The following NRG3 variants were observed in gnomAD, a reference collection of about 807,000 sequenced individuals.
The protein encoded by NRG3 is pro-neuregulin-3, membrane-bound isoform.
NRG3 carries 31 observed loss-of-function variants against 66.9 expected under a neutral mutation model. The ratio of observed to expected loss-of-function variants is 0.46; its 90% CI spans 0.35 to 0.63. The LOEUF is 0.63. Ranked by LOEUF, NRG3 falls within the 20% of genes least tolerant of loss-of-function variation. NRG3 has a pLI of 0.00. For synonymous variants in NRG3, 393 were observed against 359.4 expected, an observed-to-expected ratio of 1.09 and a Z score of -1.06; for missense variants, 910 against 878.9, an observed-to-expected ratio of 1.04 and a Z score of -0.45.
intron 1 of NRG3, among the ~76,000 whole-genome samples, chr10:82,029,940 A>T (rs1457657834): frequency 2.0e-5 from 3 of 152,150 alleles, no homozygotes; most frequent in Non-Finnish European, 4.4e-5. Context: ...CACCTAAAGT[A>T]TAAGAAAGCC....
chr10:81,918,741 A>G (rs995451178), intron 1 of NRG3, among the ~76,000 whole-genome samples: 1 of 151,486 alleles, frequency 6.6e-6, no homozygotes, highest in Non-Finnish European at 1.5e-5. Flanking sequence ...TACTAATGAA[A>G]TGCTGTTAAT....
chr10:82,160,063 G>A (rs1380012905), intron 1 of NRG3, among the ~76,000 whole-genome samples: 1 of 151,828 alleles, frequency 6.6e-6, no homozygotes, highest in African/African-American at 2.4e-5. Context: ...GATATTTACT[G>A]AGCTCACATA....
intron 2 of NRG3, among the ~76,000 whole-genome samples, chr10:82,427,565 T>C (rs1265115896): frequency 6.6e-6 from 1 of 152,164 alleles, no homozygotes; most frequent in Non-Finnish European, 1.5e-5. Flanking sequence ...CCTAGTTATA[T>C]GTTGCTAGAT....
intron 6 of NRG3, among the ~76,000 whole-genome samples, chr10:82,964,827 G>A (rs1851048599): frequency 6.6e-6 from 1 of 152,148 alleles, no homozygotes; most frequent in African/African-American, 2.4e-5. Context: ...GTCCAAAACT[G>A]ACCCTACTTT....
At chr10:82,414,672 T>A (rs1186660283) in intron 2 of NRG3, among the ~76,000 whole-genome samples, 1 of 152,140 alleles carries the variant, frequency 6.6e-6, no homozygotes, top group African/African-American at 2.4e-5. Context: ...GAGAAAGGAA[T>A]GAATAAATAT....
intron 1 of NRG3, among the ~76,000 whole-genome samples, chr10:82,172,788 G>A (rs190916584): frequency 3.5e-4 from 53 of 152,184 alleles, no homozygotes; most frequent in Admixed American, 2.0e-3. Flanking sequence ...GACCCATAAT[G>A]TAATGTAAAG....
intron 2 of NRG3, among the ~76,000 whole-genome samples, chr10:82,648,275 T>A (rs2051119751): frequency 6.6e-6 from 1 of 152,082 alleles, no homozygotes; most frequent in Non-Finnish European, 1.5e-5. Context: ...GTTTCCCCAT[T>A]GCTTGTTTTT....
chr10:82,267,912 T>G (rs2078388023), intron 1 of NRG3, among the ~76,000 whole-genome samples: 1 of 152,176 alleles, frequency 6.6e-6, no homozygotes, highest in Non-Finnish European at 1.5e-5. Flanking sequence ...CTTTTGAGAA[T>G]TCTTTTAAAA....
chr10:82,226,669 T>G (rs1038517123), intron 1 of NRG3, among the ~76,000 whole-genome samples: 2 of 152,170 alleles, frequency 1.3e-5, no homozygotes, highest in Non-Finnish European at 2.9e-5. Flanking sequence ...TATGTTTGAA[T>G]CCATCTTTGT....
chr10:82,495,727 CT>C (rs1200186147), intron 2 of NRG3, among the ~76,000 whole-genome samples: 2 of 151,884 alleles, frequency 1.3e-5, no homozygotes, highest in African/African-American at 4.8e-5. Flanking sequence ...AAGGGTAAGC[CT>C]CATCAAATTC....
At chr10:82,879,163 C>T (rs951565120) in intron 4 of NRG3, among the ~76,000 whole-genome samples, 2 of 152,180 alleles carry the variant, frequency 1.3e-5, no homozygotes, top group Non-Finnish European at 2.9e-5. Context: ...AGCCTCTTCA[C>T]TAGAAAATAA....
chr10:82,983,982 A>G (rs999279393), intron 8 of NRG3, among the ~76,000 whole-genome samples: 6 of 152,244 alleles, frequency 3.9e-5, no homozygotes, highest in Non-Finnish European at 5.9e-5. Context: ...TTAGTGTGCA[A>G]CACACTGCAT....
chr10:82,074,996 G>A (rs1021770186), intron 1 of NRG3, among the ~76,000 whole-genome samples: 3 of 151,962 alleles, frequency 2.0e-5, no homozygotes, highest in Admixed American at 6.5e-5. Context: ...TTTTGTGCTC[G>A]GCATCATACT....
At chr10:81,994,103 A>T (rs1333564082) in intron 1 of NRG3, among the ~76,000 whole-genome samples, 2 of 152,188 alleles carry the variant, frequency 1.3e-5, no homozygotes, top group Admixed American at 1.3e-4. Flanking sequence ...GTAATGACAA[A>T]TTACACTCTA....
chr10:82,900,373 T>C (rs1428037493), intron 4 of NRG3, among the ~76,000 whole-genome samples: 1 of 152,152 alleles, frequency 6.6e-6, no homozygotes, highest in Non-Finnish European at 1.5e-5. Context: ...CTATGTACAG[T>C]ACTTTATTGT....
At chr10:82,892,972 A>G (rs1374386909) in intron 4 of NRG3, among the ~76,000 whole-genome samples, 2 of 152,112 alleles carry the variant, frequency 1.3e-5, no homozygotes, top group East Asian at 3.9e-4. Context: ...TCCTGTAACT[A>G]TGAAATTGAT....
At chr10:82,293,636 A>G (rs756833774) in intron 1 of NRG3, among the ~76,000 whole-genome samples, 178 of 152,290 alleles carry the variant, frequency 1.2e-3, no homozygotes, top group African/African-American at 1.9e-3. Flanking sequence ...GTCATTATAT[A>G]TGATTGTTCA....
intron 1 of NRG3, among the ~76,000 whole-genome samples, chr10:82,343,077 T>G (rs1428828867): frequency 6.6e-6 from 1 of 152,094 alleles, no homozygotes; most frequent in Non-Finnish European, 1.5e-5. Context: ...CAGTTCATCA[T>G]AGGTATGTGG....
chr10:82,759,400 T>C (rs2059214373), intron 3 of NRG3, among the ~76,000 whole-genome samples: 1 of 152,086 alleles, frequency 6.6e-6, no homozygotes, highest in Admixed American at 6.6e-5. Flanking sequence ...CCAGAATTGT[T>C]AGCCAAATAA....
Sources: allele counts gnomAD v4.1 joint callset (sites outside exome capture counted in the v4.1 genomes callset), GRCh38; gene constraint gnomAD v4.1.1; transcripts MANE v1.5; gene names NCBI Gene and HGNC (gene_info 2026-07-23, HGNC 2026-07-21).